CAPN1: variants seen among roughly 807,000 people sequenced by gnomAD.
CAPN1 encodes calpain 1, also known as calpain-1 catalytic subunit.
Under a neutral mutation model 105.2 loss-of-function variants are expected in CAPN1, and 77 were observed. The ratio of observed to expected loss-of-function variants is 0.73; its 90% CI spans 0.61 to 0.88. The LOEUF (loss-of-function observed/expected upper bound fraction) is 0.88, where lower values mean the gene tolerates loss of function less well. Ranked by LOEUF, CAPN1 falls within the 40% of genes least tolerant of loss-of-function variation. CAPN1 has a pLI of 0.00. For synonymous variants in CAPN1, 355 were observed against 388.8 expected, an observed-to-expected ratio of 0.91 and a Z score of 1.02; for missense variants, 833 against 976.6, an observed-to-expected ratio of 0.85 and a Z score of 1.96.
chr11:65,191,157 C>G (rs1290296399), intron 10 of CAPN1, among the ~76,000 whole-genome samples: 1 of 152,120 alleles, frequency 6.6e-6, no homozygotes, highest in Non-Finnish European at 1.5e-5. Flanking sequence ...AAGTCTTATC[C>G]AAGGATATGG....
chr11:65,184,493 G>A (rs1458529719), intron 4 of CAPN1, among the ~76,000 whole-genome samples: 1 of 115,960 alleles, frequency 8.6e-6, no homozygotes, highest in Non-Finnish European at 1.8e-5. Context: ...GCCCCCCGTT[G>A]TCCTGGCCCC....
At chr11:65,196,746 T>C (rs888050131) in intron 10 of CAPN1, among the ~76,000 whole-genome samples, 10 of 152,228 alleles carry the variant, frequency 6.6e-5, no homozygotes, top group African/African-American at 2.4e-4. Flanking sequence ...AGAAGAATGT[T>C]TTTTAAAACA....
At chr11:65,194,224 C>T (rs952675880) in intron 10 of CAPN1, among the ~76,000 whole-genome samples, 1 of 152,084 alleles carries the variant, frequency 6.6e-6, no homozygotes, top group Admixed American at 6.6e-5. Flanking sequence ...CTGCTGTGGG[C>T]TCCCAAAGTG....
intron 14 of CAPN1, 125 bp from the exon 15 acceptor site, chr11:65,207,929 GA>G: frequency 1.5e-6 from 1 of 656,700 alleles, no homozygotes; most frequent in Non-Finnish European, 2.6e-6. Context: ...GAAAAGAAAA[GA>G]AAAGTGAGGC....
chr11:65,183,032 G>A lies in CAPN1; in HGVS notation c.267+64G>A, dbSNP rs1948568057. 1.2e-5 allele frequency: 19 copies of A among 1,608,020 alleles called. No homozygotes were observed. In the East Asian group the frequency reaches 4.2e-4, roughly 36 times the overall value. On this transcript the variant is annotated intron_variant, in intron 2 of 21. Transcript: ENST00000279247. ...GATCCTGGATGAGGAGTAGGGATGGGACTCCATGTCCCTGGTGGGGAATGG... is the reference window on the plus strand; with the variant it reads ...GATCCTGGATGAGGAGTAGGGATGGAACTCCATGTCCCTGGTGGGGAATGG...
chr11:65,209,883 T>G lies in CAPN1; in HGVS notation c.1829T>G (p.Phe610Cys), dbSNP rs200876514. 1,195 of 1,613,596 alleles carry G rather than the reference T, an allele frequency of 7.4e-4. 1 individual carries two copies. The highest frequency in any genetic ancestry group is 9.7e-4 in the Non-Finnish European group (1,142 of 1,179,852). Reference protein sequence around the residue: ...DGNGKLGLVEFNILWNRIRNY... With the variant: ...DGNGKLGLVECNILWNRIRNY... ...AATGGGAAGCTGGGCCTGGTGGAGTTCAACATCCTGTGGAACCGCATCCGG... is the reference window on the plus strand; with the variant it reads ...AATGGGAAGCTGGGCCTGGTGGAGTGCAACATCCTGTGGAACCGCATCCGG... The change falls in exon 18 of 22, where the codon TTC becomes TGC. Residue 610 changes from phenylalanine to cysteine, a missense_variant. Physicochemically the swap from Phe to Cys is radical, Grantham distance 205 (BLOSUM62 -2). Transcript: ENST00000279247. The surrounding 1 kb of genome is among the most constrained non-coding windows in gnomAD (Gnocchi z 4.1).
rs1948938304 is a variant in CAPN1, at chr11:65,205,235, G to A, written c.1341+377G>A. 3.3e-5 allele frequency among the ~76,000 whole-genome samples: 5 copies of A among 152,186 alleles called. No individual in the cohort carries two copies. The South Asian group carries it at 1.0e-3, about 31-fold the overall frequency. The stretch of plus-strand genomic sequence containing the variant: ...AGGGGAAAGATAGGGGATAGGGAGG[G>A]CCTGTCGGCCAAGGTGAGGCTGTGC... On this transcript the variant is annotated intron_variant, in intron 11 of 21. Coordinates refer to ENST00000279247, the MANE Select transcript of CAPN1 (RefSeq NM_005186.4).
chr11:65,210,251 GCCCCCTCCTGGGGACCCAACCCCTCC>G lies in CAPN1; in HGVS notation c.1943-81_1943-56del. ...GTTACTAGCACCCTGCCTAGCCCCA[GCCCCCTCCTGGGGACCCAACCCCTCC>G]CCCATCCTGTTGGGCAGGGGCTGCG... On this transcript the variant is annotated intron_variant, in intron 19 of 21. Transcript: ENST00000279247. The surrounding 1 kb of genome is among the most constrained non-coding windows in gnomAD (Gnocchi z 4.3). 2 of 1,174,110 alleles carry G rather than the reference GCCCCCTCCTGGGGACCCAACCCCTCC, an allele frequency of 1.7e-6. No individual in the cohort carries two copies. 72.7% of individuals were successfully genotyped at this position (1,174,110 alleles called of 1,614,324 possible). A position where few individuals can be genotyped will look rare whatever the true frequency, so the allele number is the denominator to read the frequency against.
At chr11:65,192,984 C>CTT (rs769999096) in intron 10 of CAPN1, among the ~76,000 whole-genome samples, 84 of 141,032 alleles carry the variant, frequency 6.0e-4, no homozygotes, top group African/African-American at 1.8e-3. Flanking sequence ...TTAATATACT[C>CTT]TTTTTTTTTT....
intron 4 of CAPN1, 107 bp from the exon 5 acceptor site, chr11:65,185,810 G>A: frequency 4.3e-6 from 5 of 1,153,442 alleles, no homozygotes; most frequent in Non-Finnish European, 3.7e-6. Flanking sequence ...TGTGTATCTA[G>A]TATGTATCTG....
At chr11:65,207,862 T>C (rs1485625916) in intron 14 of CAPN1, among the ~76,000 whole-genome samples, 193 bp from the exon 15 acceptor site, 1 of 151,802 alleles carries the variant, frequency 6.6e-6, no homozygotes, top group East Asian at 1.9e-4. Flanking sequence ...TGCAGTGAGC[T>C]GAGATCACGC....
At chr11:65,206,755 C>T in intron 13 of CAPN1, 25 bp from the exon 14 acceptor site, 2 of 1,612,442 alleles carry the variant, frequency 1.2e-6, no homozygotes, top group Non-Finnish European at 1.7e-6. Context: ...CTCTGACTGG[C>T]TCCTTTCCTC....
chr11:65,187,197 G>A lies in CAPN1; in HGVS notation c.760-18G>A. On this transcript the variant is annotated intron_variant, in intron 6 of 21. Coordinates refer to ENST00000279247, the MANE Select transcript of CAPN1 (RefSeq NM_005186.4). ...GGGGGACCTAGCCACTGACCACAGT[G>A]TGTGCCTCTTTCTGCAGATCTCCAG... is the stretch of plus-strand genomic sequence containing the variant. 1.2e-6 allele frequency: 2 copies of A among 1,603,708 alleles called. No individual in the cohort carries two copies. The highest frequency in any genetic ancestry group is 1.7e-6 in the Non-Finnish European group (2 of 1,172,980).
chr11:65,190,451 C>T (rs1026282084), intron 10 of CAPN1, among the ~76,000 whole-genome samples: 1 of 152,148 alleles, frequency 6.6e-6, no homozygotes, highest in African/African-American at 2.4e-5. Context: ...TTCAGTCTTT[C>T]CCCAAATAGA....
chr11:65,200,373 C>T (rs974620850), intron 10 of CAPN1, among the ~76,000 whole-genome samples: 4 of 151,860 alleles, frequency 2.6e-5, no homozygotes, highest in African/African-American at 9.7e-5. Context: ...GAGATGGACT[C>T]TCACTCTGTC....
rs770801846 is a variant in CAPN1, at chr11:65,210,115, C to T, written c.1942+19C>T. 66 of 1,603,850 alleles carry T rather than the reference C, an allele frequency of 4.1e-5. No individual in the cohort carries two copies. The Admixed American group carries it at 9.2e-4, about 22-fold the overall frequency. On this transcript the variant is annotated intron_variant, in intron 19 of 21. Transcript: ENST00000279247. The surrounding 1 kb of genome is among the most constrained non-coding windows in gnomAD (Gnocchi z 4.3). Reference sequence around the variant, plus strand: ...TCGGCAGGTGAGACTCCAAGGCTGACGGCACCTGTGGGGCCCAGGACAGGT... The same window carrying T: ...TCGGCAGGTGAGACTCCAAGGCTGATGGCACCTGTGGGGCCCAGGACAGGT...
chr11:65,202,104 C>T (rs112742529), intron 10 of CAPN1, among the ~76,000 whole-genome samples: 15 of 152,028 alleles, frequency 9.9e-5, no homozygotes, highest in African/African-American at 1.2e-4. Flanking sequence ...GGATTACAGG[C>T]GTGAGCCACT....
intron 14 of CAPN1, among the ~76,000 whole-genome samples, chr11:65,207,637 GC>G (rs1374689648): frequency 2.6e-5 from 4 of 151,966 alleles, no homozygotes. Context: ...CTCAAGCCGG[GC>G]TCAGTGGCTC....
chr11:65,184,021 A>G (rs1948593816), intron 4 of CAPN1, among the ~76,000 whole-genome samples: 1 of 152,132 alleles, frequency 6.6e-6, no homozygotes, highest in Admixed American at 6.5e-5. Flanking sequence ...CCCAGCAGAA[A>G]AGAAAGACTC....
Sources: allele counts gnomAD v4.1 joint callset (sites outside exome capture counted in the v4.1 genomes callset), GRCh38; gene constraint gnomAD v4.1.1; non-coding constraint Gnocchi (gnomAD v3.1); transcripts MANE v1.5; gene names NCBI Gene and HGNC (gene_info 2026-07-23, HGNC 2026-07-21).